SRGAP3: variants seen among roughly 807,000 people sequenced by gnomAD.
SRGAP3 encodes the protein SLIT-ROBO Rho GTPase-activating protein 3.
A neutral mutation model predicts 121.1 loss-of-function variants in SRGAP3; 39 were observed. That is an observed-to-expected ratio of 0.32 (90% CI 0.25 to 0.42). The LOEUF is 0.42. Ranked by LOEUF, SRGAP3 falls within the 10% of genes least tolerant of loss-of-function variation. SRGAP3 has a pLI of 1.00. For missense variants in SRGAP3, 1,213 were observed against 1,470.6 expected (o/e 0.82, Z 2.86); for synonymous variants, 601 against 570.0 (o/e 1.05, Z -0.77).
chr3:9,001,454 A>G (rs1942766672), intron 18 of SRGAP3, among the ~76,000 whole-genome samples: 1 of 152,250 alleles, frequency 6.6e-6, no homozygotes, highest in Non-Finnish European at 1.5e-5. Context: ...ATGCTATATT[A>G]GAAAATATCC....
chr3:9,019,100 A>G (rs1394935453), intron 14 of SRGAP3, among the ~76,000 whole-genome samples: 1 of 152,230 alleles, frequency 6.6e-6, no homozygotes, highest in Non-Finnish European at 1.5e-5. Flanking sequence ...CGTAATTTAT[A>G]CAATCAATCT....
intron 1 of SRGAP3, among the ~76,000 whole-genome samples, chr3:9,234,034 C>T (rs1953317380): frequency 6.6e-6 from 1 of 152,084 alleles, no homozygotes; most frequent in African/African-American, 2.4e-5. Flanking sequence ...TGATATTATG[C>T]CAAGTACGAG....
chr3:9,059,724 C>T, intron 6 of SRGAP3: 1 of 209,102 alleles, frequency 4.8e-6, no homozygotes, highest in Non-Finnish European at 9.8e-6. Context: ...CTTAAGCTGC[C>T]CGATTTCTCC....
chr3:9,028,227 T>TTCAC, intron 12 of SRGAP3: 1 of 1,539,566 alleles, frequency 6.5e-7, no homozygotes, highest in Non-Finnish European at 8.9e-7. Context: ...TCAGAGTCCG[T>TTCAC]GAACGCCGAA....
chr3:9,314,313 T>C (rs2125279700), intron 3 of SRGAP3, among the ~76,000 whole-genome samples: 1 of 152,122 alleles, frequency 6.6e-6, no homozygotes, highest in Middle Eastern at 3.4e-3. Flanking sequence ...TCCAACACTT[T>C]GGGAAGCCAA....
At chr3:9,270,290 A>C (rs1442060046) in intron 3 of SRGAP3, among the ~76,000 whole-genome samples, 1 of 152,242 alleles carries the variant, frequency 6.6e-6, no homozygotes, top group Non-Finnish European at 1.5e-5. Flanking sequence ...GGAAAGAAAA[A>C]AGTCAATCTT....
chr3:9,118,249 T>C (rs1948874862), intron 2 of SRGAP3, among the ~76,000 whole-genome samples: 1 of 152,170 alleles, frequency 6.6e-6, no homozygotes, highest in East Asian at 1.9e-4. Flanking sequence ...GTATCCTCCT[T>C]CTCCTCCTCC....
chr3:9,030,499 C>A (rs1944431391), intron 12 of SRGAP3, among the ~76,000 whole-genome samples: 1 of 152,186 alleles, frequency 6.6e-6, no homozygotes, highest in Admixed American at 6.5e-5. Flanking sequence ...ATGCTCCAGG[C>A]TCTAAAGAAG....
At chr3:9,348,678 C>T (rs189684852) in intron 1 of SRGAP3, 2 of 1,102,100 alleles carry the variant, frequency 1.8e-6, no homozygotes, top group African/African-American at 3.0e-5. Context: ...GACGTGGCTG[C>T]CAGTAGTGAG....
At chr3:9,169,457 G>A (rs1950900232) in intron 1 of SRGAP3, among the ~76,000 whole-genome samples, 1 of 152,192 alleles carries the variant, frequency 6.6e-6, no homozygotes, top group Non-Finnish European at 1.5e-5. Context: ...GTGGGAGGAA[G>A]ACTATTCAAG....
intron 6 of SRGAP3, chr3:9,059,845 T>C (rs534457633): frequency 6.3e-6 from 2 of 315,480 alleles, no homozygotes; most frequent in African/African-American, 2.1e-5. Flanking sequence ...GCGCCAAACA[T>C]TTTACTAATA....
chr3:9,313,987 C>T (rs986742729), intron 3 of SRGAP3, among the ~76,000 whole-genome samples: 12 of 152,152 alleles, frequency 7.9e-5, no homozygotes, highest in Middle Eastern at 3.2e-3. Context: ...AGTGAGACTC[C>T]GTCTAAAAAG....
rs139486319 is a variant in SRGAP3 at position 9,207,359 on chromosome 3, G to C, written c.67+41526C>G. On this transcript the variant is annotated intron_variant, in intron 1 of 21. Coordinates refer to ENST00000383836, the MANE Select transcript of SRGAP3 (RefSeq NM_014850.4). ...GTGCTTTGGGAAGAACTAGATTTGG[G>C]TTGAACCTGAGATCTGCTATCCACT... Among the ~76,000 whole-genome samples, 389 of 152,274 alleles carry C rather than the reference G, an allele frequency of 2.6e-3. 1 individual carries two copies. The highest frequency in any genetic ancestry group is 4.7e-3 in the Non-Finnish European group (321 of 68,024).
At chr3:9,154,593 T>C (rs765055054) in intron 1 of SRGAP3, among the ~76,000 whole-genome samples, 8 of 152,194 alleles carry the variant, frequency 5.3e-5, no homozygotes, top group African/African-American at 9.7e-5. Context: ...CCGTGAAGAC[T>C]TTCCTGTTCA....
At chr3:9,062,712 T>C (rs535581691) in intron 5 of SRGAP3, among the ~76,000 whole-genome samples, 2 of 152,366 alleles carry the variant, frequency 1.3e-5, no homozygotes, top group Non-Finnish European at 1.5e-5. Context: ...ACTTCATTCC[T>C]TTTCATGGCT....
At chr3:9,163,986 CTTTTTTTTTTTTTT>C (rs767652463) in intron 1 of SRGAP3, among the ~76,000 whole-genome samples, 3 of 83,316 alleles carry the variant, frequency 3.6e-5, no homozygotes, top group African/African-American at 5.0e-5. Flanking sequence ...AACTACTATT[CTTTTTTTTTTTTTT>C]TTTTTTTTTT....
At chr3:9,192,520 A>G (rs980775566) in intron 1 of SRGAP3, 1 of 152,158 alleles carries the variant, frequency 6.6e-6, no homozygotes, top group African/African-American at 2.4e-5. Context: ...TTTGTCACAC[A>G]TCATTGCTGG....
chr3:9,315,355 C>T (rs900537483), intron 3 of SRGAP3, among the ~76,000 whole-genome samples: 1 of 152,222 alleles, frequency 6.6e-6, no homozygotes, highest in Admixed American at 6.5e-5. Context: ...CAACCCCCTC[C>T]TTAAACCAAT....
At chr3:9,173,564 G>A (rs1449009129) in intron 1 of SRGAP3, among the ~76,000 whole-genome samples, 1 of 152,192 alleles carries the variant, frequency 6.6e-6, no homozygotes, top group South Asian at 2.1e-4. Flanking sequence ...GGGCCTGGAG[G>A]CTGATAGGAT....
Sources: allele counts gnomAD v4.1 joint callset (sites outside exome capture counted in the v4.1 genomes callset), GRCh38; gene constraint gnomAD v4.1.1; transcripts MANE v1.5; gene names NCBI Gene and HGNC (gene_info 2026-07-23, HGNC 2026-07-21).